The following DOLPP1 variants were observed in gnomAD, a reference collection of about 807,000 sequenced individuals.
The protein encoded by DOLPP1 is dolichyldiphosphatase 1.
A neutral mutation model predicts 34.1 loss-of-function variants in DOLPP1; 15 were observed. The ratio of observed to expected loss-of-function variants is 0.44; its 90% CI spans 0.29 to 0.68. The LOEUF is 0.68. Among genes scored for constraint, DOLPP1 ranks in the 30% least tolerant of loss-of-function variants. DOLPP1 has a pLI of 0.12. For synonymous variants in DOLPP1, 130 were observed against 128.2 expected (o/e 1.01, Z -0.10); for missense variants, 249 against 307.1 (o/e 0.81, Z 1.41).
chr9:129,086,680 C>T lies in DOLPP1; in HGVS notation c.591-29C>T, dbSNP rs7046842. The T allele has an allele frequency of 7.4e-3, 11,807 of 1,601,286 alleles. 791 individuals are homozygous for T. The African/African-American group carries it at 0.14, about 19-fold the overall frequency. ...GTAACAGACTCATGCCCTGATGTGC[C>T]CCTGGCTCTCTGATGTCTGTCTCTC... On this transcript the variant is annotated intron_variant, in intron 6 of 7. Transcript: ENST00000372546.
chr9:129,084,179 C>A (rs1338732641), intron 1 of DOLPP1, among the ~76,000 whole-genome samples: 1 of 152,236 alleles, frequency 6.6e-6, no homozygotes, highest in East Asian at 1.9e-4. Context: ...TCAGCCAGGG[C>A]AGCCCCAGCA....
intron 1 of DOLPP1, among the ~76,000 whole-genome samples, chr9:129,082,874 A>G (rs1188501836): frequency 6.6e-6 from 1 of 152,166 alleles, no homozygotes; most frequent in Non-Finnish European, 1.5e-5. Context: ...TATCTACATT[A>G]GTGGATCATG....
At chr9:129,084,420 G>A (rs944170413) in intron 1 of DOLPP1, among the ~76,000 whole-genome samples, 11 of 152,256 alleles carry the variant, frequency 7.2e-5, no homozygotes, top group African/African-American at 2.7e-4. Context: ...CTATAGAATG[G>A]GAACAGTGAA....
intron 1 of DOLPP1, among the ~76,000 whole-genome samples, 200 bp downstream of exon 1, chr9:129,081,407 G>A (rs1369950640): frequency 6.6e-5 from 10 of 152,122 alleles, no homozygotes; most frequent in Non-Finnish European, 2.9e-5. Flanking sequence ...GAAATTGTGA[G>A]GCGCTCGCTC....
At chr9:129,082,866 T>C (rs1846915264) in intron 1 of DOLPP1, among the ~76,000 whole-genome samples, 1 of 152,226 alleles carries the variant, frequency 6.6e-6, no homozygotes. Flanking sequence ...TGTCCTGATA[T>C]CTACATTAGT....
Position 129,089,269 on chromosome 9 carries a change from C to A in DOLPP1, c.*262C>A. On this transcript the variant is annotated 3_prime_UTR_variant, in exon 8 of 8. Coordinates refer to ENST00000372546, the MANE Select transcript of DOLPP1 (RefSeq NM_020438.5). The surrounding 1 kb of genome is among the most constrained non-coding windows in gnomAD (Gnocchi z 4.9). ...GTGCTGCTGCCAGCCCCTGGCTGGG[C>A]AGAAAGTGCCCTCGGCATGGGCACC... The A allele has an allele frequency of 2.4e-6, 1 of 413,310 alleles. No individual in the cohort carries two copies. The highest frequency in any genetic ancestry group is 4.4e-6 in the Non-Finnish European group (1 of 225,158). The allele number at this position is 413,310 out of a possible 1,614,324, so 25.6% of individuals were successfully genotyped here.
At chr9:129,081,555 T>C (rs1846890560) in intron 1 of DOLPP1, among the ~76,000 whole-genome samples, 1 of 152,198 alleles carries the variant, frequency 6.6e-6, no homozygotes, top group Non-Finnish European at 1.5e-5. Flanking sequence ...CCCTCCCCTG[T>C]CCCAGAGAGG....
rs1846990761 is a variant in DOLPP1, at chr9:129,086,479, A to G, written c.590+212A>G. On this transcript the variant is annotated intron_variant, in intron 6 of 7. Coordinates refer to ENST00000372546, the MANE Select transcript of DOLPP1 (RefSeq NM_020438.5). ...TCCTCGCCTAGGTTCTCAGGGACTTAGAAGCCTGAGTCCTGCTGGGCTGTG... is the reference window on the plus strand; with the variant it reads ...TCCTCGCCTAGGTTCTCAGGGACTTGGAAGCCTGAGTCCTGCTGGGCTGTG... Among the ~76,000 whole-genome samples, 3 of 152,178 alleles carry G rather than the reference A, an allele frequency of 2.0e-5. 1 individual carries two copies. The South Asian group carries it at 6.2e-4, about 32-fold the overall frequency.
At chr9:129,088,900 G>A in intron 7 of DOLPP1, 71 bp from the exon 8 acceptor site, 1 of 1,519,332 alleles carries the variant, frequency 6.6e-7, no homozygotes, top group South Asian at 1.1e-5. Flanking sequence ...GGGACTACGG[G>A]TGGGGTGGGG....
rs1024010522 is a variant in DOLPP1, at chr9:129,089,715, C to T, written c.*708C>T. ...ACAAGGGCTTTCTCTGGTCCCCTGT[C>T]CCTAAGACAATAATCGCTTTCTGAC... On this transcript the variant is annotated 3_prime_UTR_variant, in exon 8 of 8. Transcript: ENST00000372546. The surrounding 1 kb of genome is among the most constrained non-coding windows in gnomAD (Gnocchi z 4.9). 3.3e-5 allele frequency: 5 copies of T among 152,752 alleles called. No homozygotes were observed. The highest frequency in any genetic ancestry group is 1.2e-4 in the African/African-American group (5 of 41,484). 9.5% of individuals were successfully genotyped at this position (152,752 alleles called of 1,614,324 possible). A position where few individuals can be genotyped will look rare whatever the true frequency, so the allele number is the denominator to read the frequency against.
intron 7 of DOLPP1, 102 bp downstream of exon 7, chr9:129,086,900 C>T (rs940073345): frequency 3.2e-6 from 3 of 947,756 alleles, no homozygotes; most frequent in Admixed American, 3.8e-5. Context: ...CTAAGCACTT[C>T]TCTTGCATTA....
rs1174471369 is a variant in DOLPP1 at position 129,089,257 on chromosome 9, C to T, written c.*250C>T. Reference sequence around the variant, plus strand: ...GAGACCCTCGCTGTGCTGCTGCCAGCCCCTGGCTGGGCAGAAAGTGCCCTC... The same window carrying T: ...GAGACCCTCGCTGTGCTGCTGCCAGTCCCTGGCTGGGCAGAAAGTGCCCTC... On this transcript the variant is annotated 3_prime_UTR_variant, in exon 8 of 8. Coordinates refer to ENST00000372546, the MANE Select transcript of DOLPP1 (RefSeq NM_020438.5). This position sits in a 1 kb window ranked among gnomAD's most constrained non-coding sequence, Gnocchi z 4.9. 1 of 427,910 alleles carries T rather than the reference C, an allele frequency of 2.3e-6. No individual in the cohort carries two copies. Among genetic ancestry groups the T allele is most frequent in the Non-Finnish European group, 4.3e-6 (1 of 233,838 alleles). The allele number at this position is 427,910 out of a possible 1,614,324, so 26.5% of individuals were successfully genotyped here. A position where few individuals can be genotyped will look rare whatever the true frequency, so the allele number is the denominator to read the frequency against.
Position 129,085,318 on chromosome 9 carries a change from C to T in DOLPP1, c.362+12C>T, listed in dbSNP as rs371391582. 4.9e-5 allele frequency: 79 copies of T among 1,611,060 alleles called. No homozygotes were observed. Among genetic ancestry groups the T allele is most frequent in the Non-Finnish European group, 6.1e-5 (72 of 1,177,442 alleles). On this transcript the variant is annotated intron_variant, in intron 4 of 7. Transcript: ENST00000372546. The surrounding 1 kb of genome is among the most constrained non-coding windows in gnomAD (Gnocchi z 7.0). Reference sequence around the variant, plus strand: ...TTCCTGTATTTAAGGTGAGTTTCCACCCCGGTCAGGATGGCCCTGAACTTG... The same window carrying T: ...TTCCTGTATTTAAGGTGAGTTTCCATCCCGGTCAGGATGGCCCTGAACTTG...
chr9:129,081,568 G>C (rs1365952803), intron 1 of DOLPP1, among the ~76,000 whole-genome samples: 1 of 152,230 alleles, frequency 6.6e-6, no homozygotes, highest in Admixed American at 6.5e-5. Context: ...CAGAGAGGCC[G>C]CACTCCTGTT....
At position 129,081,139 on chromosome 9, in the gene DOLPP1, C is replaced by G. The variant is rs1428366964; in HGVS notation, c.8C>G (p.Ala3Gly). The part of the protein sequence containing the change: MA[A>G]DGQCSLPASW... Reference sequence around the variant, plus strand: ...GCCCGGTCTCCGGGTAAGATGGCAGCGGACGGACAGTGCTCGCTCCCCGCT... The same window carrying G: ...GCCCGGTCTCCGGGTAAGATGGCAGGGGACGGACAGTGCTCGCTCCCCGCT... Residue 3 changes from alanine (A) to glycine (G), a missense_variant, in exon 1 of 8, where the codon GCG becomes GGG. Physicochemically the swap from Ala to Gly is moderately conservative, Grantham distance 60. Transcript: ENST00000372546. 3 of 1,608,452 alleles carry G rather than the reference C, an allele frequency of 1.9e-6. No individual in the cohort carries two copies. The highest frequency in any genetic ancestry group is 1.3e-5 in the African/African-American group (1 of 74,690).
At chr9:129,084,018 G>A (rs763526779) in intron 1 of DOLPP1, among the ~76,000 whole-genome samples, 1 of 152,232 alleles carries the variant, frequency 6.6e-6, no homozygotes, top group Non-Finnish European at 1.5e-5. Flanking sequence ...GTCAGAAGCT[G>A]GTAATCAATA....
rs4836634 is a variant in DOLPP1 at position 129,087,384 on chromosome 9, C to A, written c.680+586C>A. ...AGGCTGGAGTGCAGTGGCGCGATCT[C>A]GGCTCACTGCAACCTCTGCCTCCCT... On this transcript the variant is annotated intron_variant, in intron 7 of 7. Coordinates refer to ENST00000372546, the MANE Select transcript of DOLPP1 (RefSeq NM_020438.5). 4.1e-4 allele frequency among the ~76,000 whole-genome samples: 61 copies of A among 148,652 alleles called. 1 individual carries two copies. Among genetic ancestry groups the A allele is most frequent in the Non-Finnish European group, 1.5e-5 (1 of 67,646 alleles).
chr9:129,085,721 G>A lies in DOLPP1; in HGVS notation c.461+105G>A. Reference sequence around the variant, plus strand: ...ATGGACCCTAGTCCCAGAACCTGTAGTGCAGGACTGGAAAAGGGGTCCCAG... The same window carrying A: ...ATGGACCCTAGTCCCAGAACCTGTAATGCAGGACTGGAAAAGGGGTCCCAG... On this transcript the variant is annotated intron_variant, in intron 5 of 7. Coordinates refer to ENST00000372546, the MANE Select transcript of DOLPP1 (RefSeq NM_020438.5). This position sits in a 1 kb window ranked among gnomAD's most constrained non-coding sequence, Gnocchi z 7.0. 3.4e-6 allele frequency: 3 copies of A among 881,558 alleles called. No homozygotes were observed. The highest frequency in any genetic ancestry group is 5.2e-6 in the Non-Finnish European group (3 of 581,854). 54.6% of individuals were successfully genotyped at this position (881,558 alleles called of 1,614,324 possible).
chr9:129,087,623 G>A (rs1412558125), intron 7 of DOLPP1, among the ~76,000 whole-genome samples: 2 of 152,032 alleles, frequency 1.3e-5, no homozygotes, highest in East Asian at 1.9e-4. Context: ...GCCGAAGGCC[G>A]GCCCTTCTCT....
Sources: gnomAD v4.1 joint callset for allele counts (sites outside exome capture counted in the v4.1 genomes callset) on GRCh38, gnomAD v4.1.1 for gene constraint, Gnocchi (gnomAD v3.1) non-coding constraint, MANE v1.5 for transcripts, NCBI Gene and HGNC (gene_info 2026-07-23, HGNC 2026-07-21) for gene names.